Variants in UBA52 observed in about 807,000 individuals in gnomAD.
UBA52 encodes ubiquitin-ribosomal protein eL40 fusion protein.
Under a neutral mutation model 15.3 loss-of-function variants are expected in UBA52, and 1 was observed. The ratio of observed to expected loss-of-function variants is 0.07; its 90% confidence interval spans 0.02 to 0.31. The LOEUF is 0.31. UBA52 is among the 10% of genes least tolerant of loss of function. The pLI is 1.00. For missense variants in UBA52, 87 were observed against 168.0 expected, an observed-to-expected ratio of 0.52 and a Z score of 2.66; for synonymous variants, 50 against 58.3, an observed-to-expected ratio of 0.86 and a Z score of 0.65.
chr19:18,564,613 A>C, the UBA52 span, among the ~76,000 whole-genome samples: 2 of 152,036 alleles, frequency 1.3e-5, no homozygotes, highest in Admixed American at 6.6e-5. Context: ...ACGAAGCAAG[A>C]CTCTGTCTCA....
the UBA52 span, chr19:18,565,106 A>G: frequency 1.3e-6 from 2 of 1,554,304 alleles, no homozygotes; most frequent in Non-Finnish European, 1.7e-6. Flanking sequence ...ATACCAGGGT[A>G]AAGGGAGATT....
At chr19:18,568,318 C>T (rs1975361415), upstream of UBA52, 5 of 995,722 alleles carry the variant, frequency 5.0e-6, no homozygotes, top group African/African-American at 3.2e-5. Context: ...TGAGGGCAGC[C>T]GTTAGGGGTC....
rs2145300770 is a variant in UBA52, at chr19:18,575,679, C to A, written c.*529C>A. 1 of 163,544 alleles carries A rather than the reference C, an allele frequency of 6.1e-6. No homozygotes were observed. Among genetic ancestry groups the A allele is most frequent in the Admixed American group, 5.8e-5 (1 of 17,178 alleles). The allele number at this position is 163,544 out of a possible 1,614,324, so 10.1% of individuals were successfully genotyped here. A position where few individuals can be genotyped will look rare whatever the true frequency, so the allele number is the denominator to read the frequency against. ...GCTCAAGCCATCCGCCCATCTCAGC[C>A]CCTCAAAGTGTTGGGATTACAAGCA... On this transcript the variant is annotated 3_prime_UTR_variant, in exon 5 of 5. Coordinates refer to ENST00000442744, the MANE Select transcript of UBA52 (RefSeq NM_001033930.3).
the UBA52 span, among the ~76,000 whole-genome samples, chr19:18,566,317 A>G: frequency 6.6e-6 from 1 of 151,994 alleles, no homozygotes; most frequent in East Asian, 1.9e-4. Context: ...AAATACAAAA[A>G]ATTAGCTGGG....
At position 18,577,503 on chromosome 19, in the gene UBA52, C is replaced by T. The variant is rs1416055741; in HGVS notation, c.*2353C>T. On this transcript the variant is annotated 3_prime_UTR_variant, in exon 5 of 5. Coordinates refer to ENST00000442744, the MANE Select transcript of UBA52 (RefSeq NM_001033930.3). ...CTCTTTTTGAACTGTTAACACTCCC[C>T]GCAAAGGTCCGCAGCTTCATTCTTC... is the stretch of plus-strand genomic sequence containing the variant. 2 of 152,142 alleles carry T rather than the reference C, an allele frequency of 1.3e-5. No individual in the cohort carries two copies. The highest frequency in any genetic ancestry group is 1.9e-4 in the East Asian group (1 of 5,196). 9.4% of individuals were successfully genotyped at this position (152,142 alleles called of 1,614,324 possible).
chr19:18,571,205 G>A (rs187539322), upstream of UBA52, among the ~76,000 whole-genome samples: 35 of 151,578 alleles, frequency 2.3e-4, 1 homozygote, highest in Admixed American at 1.2e-3. Context: ...AGCTACTCGG[G>A]AGGCTGAGGC....
intron 4 of UBA52, 35 bp from the exon 5 acceptor site, chr19:18,575,022 G>T (rs767743428): frequency 4.3e-6 from 7 of 1,614,198 alleles, no homozygotes; most frequent in Non-Finnish European, 5.9e-6. Context: ...CGGAGTCGGG[G>T]TATGCCCTCA....
At chr19:18,573,501 C>T in intron 2 of UBA52, 98 bp downstream of exon 2, 1 of 1,304,198 alleles carries the variant, frequency 7.7e-7, no homozygotes, top group Non-Finnish European at 1.1e-6. Flanking sequence ...GACTTTAGAT[C>T]TGTTTTGCCC....
chr19:18,564,753 C>T, the UBA52 span: 4 of 1,152,432 alleles, frequency 3.5e-6, no homozygotes, highest in East Asian at 4.7e-5. Context: ...GACAAGGGAA[C>T]AGCCCATGCA....
chr19:18,565,140 C>A, the UBA52 span: 1 of 1,505,500 alleles, frequency 6.6e-7, no homozygotes. Context: ...CAAGGCTTCA[C>A]TGCGCACTTA....
intron 1 of UBA52, chr19:18,573,020 AC>A: frequency 7.7e-7 from 1 of 1,293,888 alleles, no homozygotes. Flanking sequence ...AAGGAGAATA[AC>A]CACAGTCTGT....
At chr19:18,567,121 C>T (rs367830019), upstream of UBA52, 6 of 1,613,776 alleles carry the variant, frequency 3.7e-6, no homozygotes, top group Non-Finnish European at 5.1e-6. Flanking sequence ...TGTGCCTTCT[C>T]TCCCCTGCAG....
chr19:18,572,760 G>A, intron 1 of UBA52: 4 of 994,308 alleles, frequency 4.0e-6, no homozygotes, highest in Non-Finnish European at 4.8e-6. Context: ...GTGTAATTGA[G>A]AAGGAAGCTA....
upstream of UBA52, among the ~76,000 whole-genome samples, chr19:18,571,316 A>AG (rs1975472287): frequency 1.3e-5 from 2 of 150,328 alleles, no homozygotes; most frequent in South Asian, 4.2e-4. Context: ...GTCTCAAAAA[A>AG]AAAAAAAAAA....
upstream of UBA52, chr19:18,568,679 G>C: frequency 7.1e-7 from 1 of 1,409,492 alleles, no homozygotes; most frequent in Non-Finnish European, 9.8e-7. Flanking sequence ...CAGCATACAA[G>C]GTGGCAGCGG....
upstream of UBA52, chr19:18,567,190 G>T (rs768004992): frequency 3.7e-6 from 6 of 1,613,954 alleles, no homozygotes; most frequent in South Asian, 5.5e-5. Context: ...TAAGTGTCAC[G>T]CAGGGTTCCT....
upstream of UBA52, chr19:18,571,803 T>A (rs957885908): frequency 6.6e-6 from 1 of 152,316 alleles, no homozygotes; most frequent in Non-Finnish European, 1.5e-5. Context: ...GCGTCCGGCG[T>A]GCTCCGTGCG....
chr19:18,574,252 T>C (rs139900587), intron 3 of UBA52, among the ~76,000 whole-genome samples: 31 of 151,430 alleles, frequency 2.0e-4, no homozygotes, highest in Non-Finnish European at 3.5e-4. Context: ...TTTTTATCAC[T>C]GCAATAAGGA....
intron 1 of UBA52, chr19:18,572,272 A>G (rs1193897351): frequency 2.0e-5 from 3 of 152,262 alleles, no homozygotes; most frequent in Non-Finnish European, 4.4e-5. Flanking sequence ...ACCTGGCTCC[A>G]TTACTACGTC....
Sources: allele counts gnomAD v4.1 joint callset (sites outside exome capture counted in the v4.1 genomes callset), GRCh38; gene constraint gnomAD v4.1.1; transcripts MANE v1.5; gene names NCBI Gene and HGNC (gene_info 2026-07-23, HGNC 2026-07-21).